The following BRINP1 variants were observed in gnomAD, a reference collection of about 807,000 sequenced individuals.
BRINP1 encodes BMP/retinoic acid-inducible neural-specific protein 1.
In BRINP1, 17 loss-of-function variants were observed where a neutral mutation model predicts 72.9. The observed-to-expected ratio is 0.23, with a 90% CI of 0.16 to 0.35. The LOEUF (loss-of-function observed/expected upper bound fraction) is 0.35, where lower values mean the gene tolerates loss of function less well. Ranked by LOEUF, BRINP1 falls within the 10% of genes least tolerant of loss-of-function variation. BRINP1 has a pLI of 1.00. For missense variants in BRINP1, 850 were observed against 1,001.6 expected (o/e 0.85, Z 2.04); for synonymous variants, 418 against 378.5 (o/e 1.10, Z -1.21).
chr9:119,198,114 C>T (rs536879141), intron 7 of BRINP1, among the ~76,000 whole-genome samples: 1 of 152,304 alleles, frequency 6.6e-6, no homozygotes, highest in African/African-American at 2.4e-5. Flanking sequence ...TATACCACTA[C>T]CCTCAAAAAA....
At chr9:119,260,282 T>G (rs1343208760) in intron 2 of BRINP1, among the ~76,000 whole-genome samples, 8 of 152,200 alleles carry the variant, frequency 5.3e-5, no homozygotes, top group Non-Finnish European at 1.5e-5. Flanking sequence ...TGGAAAACTA[T>G]CACACTCCTC....
intron 7 of BRINP1, among the ~76,000 whole-genome samples, chr9:119,187,100 G>A (rs1829630832): frequency 6.6e-6 from 1 of 151,856 alleles, no homozygotes. Context: ...CTGAGCTACT[G>A]AAGTGCCTTG....
chr9:119,210,038 A>G (rs1829906713), intron 6 of BRINP1, among the ~76,000 whole-genome samples: 1 of 152,246 alleles, frequency 6.6e-6, no homozygotes, highest in Non-Finnish European at 1.5e-5. Context: ...CATAGAAATT[A>G]TCTAGTTCAG....
intron 2 of BRINP1, among the ~76,000 whole-genome samples, chr9:119,251,835 A>G (rs942598976): frequency 2.6e-5 from 4 of 152,102 alleles, no homozygotes; most frequent in Non-Finnish European, 5.9e-5. Flanking sequence ...TTGAGTCCTA[A>G]TGACCTCGGG....
intron 2 of BRINP1, among the ~76,000 whole-genome samples, chr9:119,295,622 ATGCAGTGTGTCAC>A (rs1460168768): frequency 6.6e-6 from 1 of 152,202 alleles, no homozygotes; most frequent in African/African-American, 2.4e-5. Flanking sequence ...AAACATCATC[ATGCAGTGTGTCAC>A]TGCATTACAA....
chr9:119,211,358 C>T (rs185242929), intron 6 of BRINP1, among the ~76,000 whole-genome samples: 3 of 152,234 alleles, frequency 2.0e-5, no homozygotes, highest in African/African-American at 2.4e-5. Flanking sequence ...CCGCCACACC[C>T]GGCTAATTTT....
chr9:119,339,934 ACC>A (rs1831390393), intron 1 of BRINP1, among the ~76,000 whole-genome samples: 1 of 151,970 alleles, frequency 6.6e-6, no homozygotes, highest in African/African-American at 2.4e-5. Context: ...GGCTACACTC[ACC>A]CACATGGACA....
At chr9:119,286,222 C>T (rs909698663) in intron 2 of BRINP1, among the ~76,000 whole-genome samples, 3 of 149,568 alleles carry the variant, frequency 2.0e-5, no homozygotes, top group Non-Finnish European at 3.0e-5. Context: ...AGAGTGTTAT[C>T]GCCATTATCT....
chr9:119,255,930 G>T, intron 2 of BRINP1, among the ~76,000 whole-genome samples: 1 of 118,442 alleles, frequency 8.4e-6, no homozygotes, highest in Non-Finnish European at 1.6e-5. Flanking sequence ...ATGCCAGCCC[G>T]GGCAACGGAG....
intron 2 of BRINP1, chr9:119,283,059 G>A (rs1479133020): frequency 1.0e-6 from 1 of 985,330 alleles, no homozygotes; most frequent in Non-Finnish European, 1.2e-6. Context: ...AGGATACAGA[G>A]TTACGGAGAG....
At chr9:119,308,827 G>A (rs10739534) in intron 2 of BRINP1, among the ~76,000 whole-genome samples, 72,359 of 151,802 alleles carry the variant, frequency 0.48, 17,878 homozygotes, top group African/African-American at 0.59. Flanking sequence ...ATATGGAACC[G>A]CCTCTTGTGA....
intron 2 of BRINP1, among the ~76,000 whole-genome samples, chr9:119,292,065 T>C (rs1830827329): frequency 6.6e-6 from 1 of 152,196 alleles, no homozygotes; most frequent in Non-Finnish European, 1.5e-5. Flanking sequence ...AGGCAAAGAA[T>C]TCACAGAACC....
chr9:119,301,475 G>A (rs1275388537), intron 2 of BRINP1, among the ~76,000 whole-genome samples: 2 of 152,154 alleles, frequency 1.3e-5, no homozygotes, highest in Non-Finnish European at 1.5e-5. Context: ...CAGAGATGAA[G>A]AACAAACAAA....
At position 119,167,062 on chromosome 9, in the gene BRINP1, G is replaced by A; in HGVS notation, c.*22C>T. On this transcript the variant is annotated 3_prime_UTR_variant, in exon 8 of 8. Transcript: ENST00000265922. This position sits in a 1 kb window ranked among gnomAD's most constrained non-coding sequence, Gnocchi z 4.3. The stretch of plus-strand genomic sequence containing the variant: ...TTGTGTGTGTACAACAACAGGAAAA[G>A]TCCATGGCAAGGAGTCCCGGGTTAG... 1 of 1,570,274 alleles carries A rather than the reference G, an allele frequency of 6.4e-7. No homozygotes were observed. The highest frequency in any genetic ancestry group is 1.8e-4 in the Middle Eastern group (1 of 5,694).
In BRINP1 at chr9:119,249,024, C is replaced by T; in HGVS notation, c.345G>A (p.Gln115=). ...IRLLGRRPTT[Q]QFIDTIIKKY... is the part of the protein sequence containing the mutation. ...TTTTGATGATGGTATCGATGAACTG[C>T]TGAGTGGTAGGTCTCCTGCCAAGCA... The change falls in exon 3 of 8, where the codon CAG becomes CAA. Residue 115 remains glutamine, a synonymous_variant. Transcript: ENST00000265922. The T allele has an allele frequency of 6.2e-7, 1 of 1,614,104 alleles. No homozygotes were observed. Among genetic ancestry groups the T allele is most frequent in the Non-Finnish European group, 8.5e-7 (1 of 1,180,008 alleles).
chr9:119,366,145 A>G (rs1025427499), intron 1 of BRINP1, among the ~76,000 whole-genome samples: 4 of 152,082 alleles, frequency 2.6e-5, no homozygotes, highest in Non-Finnish European at 5.9e-5. Context: ...AAATGTAGCA[A>G]GCAGGAAAGG....
At chr9:119,360,276 T>A (rs937990544) in intron 1 of BRINP1, among the ~76,000 whole-genome samples, 2 of 152,228 alleles carry the variant, frequency 1.3e-5, no homozygotes, top group Non-Finnish European at 2.9e-5. Flanking sequence ...CAATCTTTCC[T>A]AAGCATACCA....
rs1200930377 is a variant in BRINP1, at chr9:119,366,522, G to A, written c.-51+2534C>T. Among the ~76,000 whole-genome samples the A allele has an allele frequency of 8.9e-5, 13 of 145,944 alleles. 1 individual carries two copies. Among genetic ancestry groups the A allele is most frequent in the South Asian group, 6.8e-4 (3 of 4,410 alleles). ...CACCACCGTGTGTGTGTGTGTGTGTGTGTGTGTGTGTGTGTGTGTGTGTGT... is the reference window on the plus strand; with the variant it reads ...CACCACCGTGTGTGTGTGTGTGTGTATGTGTGTGTGTGTGTGTGTGTGTGT... On this transcript the variant is annotated intron_variant, in intron 1 of 7. Coordinates refer to ENST00000265922, the MANE Select transcript of BRINP1 (RefSeq NM_014618.3).
At chr9:119,241,665 G>A (rs1830250294) in intron 4 of BRINP1, among the ~76,000 whole-genome samples, 1 of 152,148 alleles carries the variant, frequency 6.6e-6, no homozygotes, top group Admixed American at 6.5e-5. Context: ...ATATTACTGA[G>A]CTAGGCATCA....
Sources: gnomAD v4.1 joint callset for allele counts (sites outside exome capture counted in the v4.1 genomes callset) on GRCh38, gnomAD v4.1.1 for gene constraint, Gnocchi (gnomAD v3.1) non-coding constraint, MANE v1.5 for transcripts, NCBI Gene and HGNC (gene_info 2026-07-23, HGNC 2026-07-21) for gene names.